HDAC8: variants seen among roughly 807,000 people sequenced by gnomAD.
The protein encoded by HDAC8 is histone deacetylase-like 1.
Under a neutral mutation model 32.2 loss-of-function variants are expected in HDAC8, and 1 was observed. The ratio of observed to expected loss-of-function variants is 0.03; its 90% CI spans 0.01 to 0.15. HDAC8 has a LOEUF of 0.15. Ranked by LOEUF, HDAC8 falls within the 10% of genes least tolerant of loss-of-function variation. HDAC8 has a pLI of 1.00. For synonymous variants in HDAC8, 108 were observed against 113.9 expected (o/e 0.95, Z 0.33); for missense variants, 117 against 300.0 (o/e 0.39, Z 4.51).
rs1424194826 is a variant in HDAC8, at chrX:72,572,753, C to T, written c.9G>A (p.Glu3=). 4 of 1,205,840 alleles carry T rather than the reference C, an allele frequency of 3.3e-6. No homozygotes were observed. The highest frequency in any genetic ancestry group is 3.4e-6 in the Non-Finnish European group (3 of 892,199). The change falls in exon 1 of 11, where the codon GAG becomes GAA. Residue 3 remains glutamate, a synonymous_variant. Coordinates refer to ENST00000373573, the MANE Select transcript of HDAC8 (RefSeq NM_018486.3). The stretch of plus-strand genomic sequence containing the variant: ...GCCCACTGTCCGCCGGTTCCTCCGG[C>T]TCCTCCATCTTCCGCTTAAAACCGT... ME[E]PEEPADSGQS...
At chrX:72,468,062 T>C in intron 7 of HDAC8, 1 of 1,148,497 alleles carries the variant, frequency 8.7e-7, no homozygotes, top group South Asian at 2.1e-5. Flanking sequence ...AGGTAGGGCA[T>C]CTTGTACATA....
intron 9 of HDAC8, among the ~76,000 whole-genome samples, chrX:72,362,633 T>C (rs1161686393): frequency 8.9e-6 from 1 of 112,443 alleles, no homozygotes; most frequent in Non-Finnish European, 1.9e-5. Context: ...CTTAGAACAG[T>C]GTGCTTGGCT....
chrX:72,379,490 GTTTTTTTT>G (rs1191306787), intron 9 of HDAC8, among the ~76,000 whole-genome samples: 2 of 38,895 alleles, frequency 5.1e-5, no homozygotes, highest in African/African-American at 1.1e-4. Context: ...TTTGTTTAGT[GTTTTTTTT>G]TTTTTTTTTT....
At chrX:72,527,192 A>G (rs1217395417) in intron 4 of HDAC8, among the ~76,000 whole-genome samples, 2 of 111,536 alleles carry the variant, frequency 1.8e-5, no homozygotes, top group Admixed American at 1.9e-4. Flanking sequence ...ACAGCTCTCA[A>G]CACAAGTCTT....
At chrX:72,491,061 C>T (rs1463201831) in intron 5 of HDAC8, 55 bp from the exon 6 acceptor site, 3 of 874,500 alleles carry the variant, frequency 3.4e-6, no homozygotes, top group Non-Finnish European at 5.0e-6. Flanking sequence ...TTCCTATTTT[C>T]AACATCTGAA....
At chrX:72,474,295 A>G (rs2048268045) in intron 7 of HDAC8, 1 of 738,048 alleles carries the variant, frequency 1.4e-6, no homozygotes. Context: ...ATCAATCTCT[A>G]TTTATTTATC....
intron 9 of HDAC8, among the ~76,000 whole-genome samples, chrX:72,413,772 C>T (rs191502870): frequency 1.2e-4 from 13 of 111,722 alleles, no homozygotes; most frequent in Non-Finnish European, 2.4e-4. Context: ...TGTTTGCTTC[C>T]CCTTCCACTA....
intron 9 of HDAC8, among the ~76,000 whole-genome samples, chrX:72,386,140 G>A (rs1466129282): frequency 8.9e-6 from 1 of 112,105 alleles, no homozygotes; most frequent in Non-Finnish European, 1.9e-5. Context: ...GCAGTTTAAT[G>A]GCCTGAAATG....
At chrX:72,344,238 A>T (rs1414658030) in intron 10 of HDAC8, among the ~76,000 whole-genome samples, 1 of 111,248 alleles carries the variant, frequency 9.0e-6, no homozygotes, top group Admixed American at 9.5e-5. Context: ...CTACACGTTC[A>T]TGGTAGAAAT....
At chrX:72,535,857 T>G (rs1290520427) in intron 4 of HDAC8, among the ~76,000 whole-genome samples, 1 of 111,957 alleles carries the variant, frequency 8.9e-6, no homozygotes, top group East Asian at 2.8e-4. Context: ...ATCTTTTATT[T>G]CCTGAGATTT....
chrX:72,440,596 C>T (rs1468421675), intron 9 of HDAC8, among the ~76,000 whole-genome samples: 8 of 111,791 alleles, frequency 7.2e-5, no homozygotes, highest in African/African-American at 9.7e-5. Context: ...TAATAAAGAG[C>T]GTGAGCGACG....
chrX:72,568,690 AT>A (rs2051892663), intron 3 of HDAC8, 63 bp downstream of exon 3: 27 of 1,143,170 alleles, frequency 2.4e-5, no homozygotes, highest in Non-Finnish European at 3.0e-5. Context: ...TATTAAAAAA[AT>A]CATACAAGTT....
At chrX:72,453,653 A>G (rs1357013540) in intron 9 of HDAC8, among the ~76,000 whole-genome samples, 1 of 111,826 alleles carries the variant, frequency 8.9e-6, no homozygotes, top group Non-Finnish European at 1.9e-5. Context: ...AGTGGTTGAA[A>G]TATTTCCAAA....
At chrX:72,496,280 A>G (rs1556013026) in intron 4 of HDAC8, among the ~76,000 whole-genome samples, 1 of 110,518 alleles carries the variant, frequency 9.0e-6, no homozygotes, top group East Asian at 2.8e-4. Context: ...TCTCTTCCAT[A>G]ATAACATTTC....
chrX:72,541,715 A>T (rs2050714328), intron 4 of HDAC8, among the ~76,000 whole-genome samples: 2 of 111,740 alleles, frequency 1.8e-5, no homozygotes, highest in Admixed American at 1.9e-4. Context: ...GACAGAGTTG[A>T]CAGGGTTTTT....
intron 9 of HDAC8, among the ~76,000 whole-genome samples, chrX:72,460,229 C>T (rs1057238062): frequency 2.7e-5 from 3 of 110,817 alleles, no homozygotes; most frequent in African/African-American, 3.3e-5. Flanking sequence ...CTCCACCTTC[C>T]GGGTTCAAGC....
intron 9 of HDAC8, among the ~76,000 whole-genome samples, chrX:72,458,774 G>T (rs2031207345): frequency 9.0e-6 from 1 of 111,650 alleles, no homozygotes; most frequent in South Asian, 3.8e-4. Context: ...CTCTTAACAG[G>T]TCTGCGTTTC....
intron 9 of HDAC8, among the ~76,000 whole-genome samples, chrX:72,363,885 T>C (rs1207338138): frequency 1.8e-5 from 2 of 112,208 alleles, no homozygotes; most frequent in Non-Finnish European, 3.8e-5. Context: ...TGAACTGTTT[T>C]TTAGAAGAGA....
At chrX:72,458,240 G>A (rs1011759757) in intron 9 of HDAC8, among the ~76,000 whole-genome samples, 1 of 112,690 alleles carries the variant, frequency 8.9e-6, no homozygotes, top group African/African-American at 3.2e-5. Context: ...TGCTTGGCTG[G>A]CCAACCTGGC....
Sources: gnomAD v4.1 joint callset for allele counts (sites outside exome capture counted in the v4.1 genomes callset) on GRCh38, gnomAD v4.1.1 for gene constraint, MANE v1.5 for transcripts, NCBI Gene and HGNC (gene_info 2026-07-23, HGNC 2026-07-21) for gene names.